The following EYS variants were observed in gnomAD, a reference collection of about 807,000 sequenced individuals.
EYS encodes EGF-like photoreceptor maintenance factor.
A neutral mutation model predicts 282.1 loss-of-function variants in EYS; 250 were observed. That is an observed-to-expected ratio of 0.89 (90% CI 0.80 to 0.98). The LOEUF (loss-of-function observed/expected upper bound fraction) is 0.98, where lower values mean the gene tolerates loss of function less well. Among genes scored for constraint, EYS ranks in the 50% least tolerant of loss-of-function variants. The pLI is 0.00. For synonymous variants in EYS, 1,355 were observed against 1,282.9 expected (o/e 1.06, Z -1.20); for missense variants, 4,016 against 3,709.0 (o/e 1.08, Z -2.15).
chr6:64,065,141 T>C (rs1771319264), intron 33 of EYS, among the ~76,000 whole-genome samples: 2 of 152,188 alleles, frequency 1.3e-5, no homozygotes, highest in African/African-American at 2.4e-5. Flanking sequence ...GCATTAAAAA[T>C]GAGTAAGAAA....
chr6:64,752,607 C>T (rs1168122860), intron 22 of EYS, among the ~76,000 whole-genome samples: 3 of 152,008 alleles, frequency 2.0e-5, no homozygotes, highest in African/African-American at 4.8e-5. Context: ...GGAAAACTAC[C>T]TTAGTCTTGC....
intron 22 of EYS, among the ~76,000 whole-genome samples, chr6:64,793,696 A>G (rs903897208): frequency 2.0e-5 from 3 of 152,306 alleles, no homozygotes; most frequent in Admixed American, 2.0e-4. Context: ...GTTGATGTCC[A>G]AGGACTATAC....
intron 12 of EYS, among the ~76,000 whole-genome samples, chr6:65,250,644 A>G (rs1195262156): frequency 2.0e-5 from 3 of 152,012 alleles, no homozygotes; most frequent in African/African-American, 7.2e-5. Flanking sequence ...GCCTCAAAAA[A>G]CATTCTCAAG....
At chr6:65,602,616 A>T (rs2149790747) in intron 2 of EYS, among the ~76,000 whole-genome samples, 1 of 152,100 alleles carries the variant, frequency 6.6e-6, no homozygotes, top group African/African-American at 2.4e-5. Context: ...CCTTTGTGGT[A>T]CTTGTGCTCA....
chr6:64,196,864 T>C (rs1250253116), intron 31 of EYS, among the ~76,000 whole-genome samples: 1 of 152,054 alleles, frequency 6.6e-6, no homozygotes, highest in Non-Finnish European at 1.5e-5. Context: ...CTGCACATTG[T>C]GCACATGTAC....
chr6:65,132,589 C>T (rs573841735), intron 12 of EYS, among the ~76,000 whole-genome samples: 1 of 151,880 alleles, frequency 6.6e-6, no homozygotes, highest in East Asian at 1.9e-4. Flanking sequence ...TATGACAAAC[C>T]CACAGCCAGC....
intron 12 of EYS, among the ~76,000 whole-genome samples, chr6:65,059,421 A>G (rs978148576): frequency 2.6e-5 from 4 of 152,060 alleles, no homozygotes; most frequent in South Asian, 2.1e-4. Context: ...TTGTTTTTCA[A>G]TCTTCAAGTT....
rs529826604 is a variant in EYS, at chr6:65,301,638, C to T, written c.1767-5519G>A. ...TCAAACTCCACATACAGAAAGCCAC[C>T]GACCTTATTCCGGTATCCTACACCC... On this transcript the variant is annotated intron_variant, in intron 11 of 42. Transcript: ENST00000503581. Among the ~76,000 whole-genome samples the T allele has an allele frequency of 5.3e-5, 8 of 152,372 alleles. No homozygotes were observed. The South Asian group carries it at 1.0e-3, about 20-fold the overall frequency.
Position 64,449,379 on chromosome 6 carries a change from A to G in EYS, c.5645-10027T>C, listed in dbSNP as rs529376363. Among the ~76,000 whole-genome samples, 30 of 152,342 alleles carry G rather than the reference A, an allele frequency of 2.0e-4. No homozygotes were observed. In the South Asian group the frequency reaches 6.0e-3, roughly 31 times the overall value. On this transcript the variant is annotated intron_variant, in intron 26 of 42. Coordinates refer to ENST00000503581, the MANE Select transcript of EYS (RefSeq NM_001142800.2). ...CGTGAAAAGACCAACTCTACGTCTC[A>G]TTGGTGTACCTGAAAGTGACGAGGA... is the stretch of plus-strand genomic sequence containing the variant.
At chr6:64,474,372 G>A (rs1776205014) in intron 26 of EYS, among the ~76,000 whole-genome samples, 1 of 152,162 alleles carries the variant, frequency 6.6e-6, no homozygotes, top group East Asian at 1.9e-4. Context: ...TAGAAACAGG[G>A]TGACTAGGAA....
At chr6:64,338,548 T>C (rs1022452045) in intron 29 of EYS, among the ~76,000 whole-genome samples, 1 of 151,886 alleles carries the variant, frequency 6.6e-6, no homozygotes, top group East Asian at 1.9e-4. Context: ...ATTTGGAAAA[T>C]GACCATACTG....
At chr6:63,868,516 CCA>C (rs1224564415) in intron 35 of EYS, among the ~76,000 whole-genome samples, 1 of 152,040 alleles carries the variant, frequency 6.6e-6, no homozygotes, top group Non-Finnish European at 1.5e-5. Context: ...AGTTGGCCAC[CCA>C]CAGTGTCAAG....
intron 36 of EYS, among the ~76,000 whole-genome samples, chr6:63,842,119 T>C (rs549009851): frequency 6.6e-6 from 1 of 152,218 alleles, no homozygotes; most frequent in Non-Finnish European, 1.5e-5. Flanking sequence ...CCTTTGGGTA[T>C]ACACCAGTAA....
At chr6:65,330,918 A>G in intron 11 of EYS, 1 of 982,106 alleles carries the variant, frequency 1.0e-6, no homozygotes, top group East Asian at 1.1e-4. Context: ...AATACCATTT[A>G]CTAAAGAACC....
intron 26 of EYS, among the ~76,000 whole-genome samples, chr6:64,474,255 T>C (rs1022472548): frequency 6.6e-6 from 1 of 152,192 alleles, no homozygotes; most frequent in African/African-American, 2.4e-5. Flanking sequence ...TATAAATTTA[T>C]AACTTGTTCA....
At chr6:64,050,772 T>C (rs947961233) in intron 33 of EYS, among the ~76,000 whole-genome samples, 1 of 152,214 alleles carries the variant, frequency 6.6e-6, no homozygotes, top group South Asian at 2.1e-4. Context: ...GAACTTTGCT[T>C]AATGTGTTAA....
At chr6:65,613,483 G>A (rs548933315) in intron 2 of EYS, among the ~76,000 whole-genome samples, 1 of 151,812 alleles carries the variant, frequency 6.6e-6, no homozygotes, top group African/African-American at 2.4e-5. Flanking sequence ...CACTGGGTAA[G>A]ATCATTTTTA....
chr6:65,001,020 G>C (rs1442118988), intron 13 of EYS, among the ~76,000 whole-genome samples: 1 of 152,226 alleles, frequency 6.6e-6, no homozygotes, highest in East Asian at 1.9e-4. Flanking sequence ...CACGCAGATA[G>C]GCAGGTGCAG....
At chr6:64,454,091 C>G (rs1775471073) in intron 26 of EYS, among the ~76,000 whole-genome samples, 1 of 152,102 alleles carries the variant, frequency 6.6e-6, no homozygotes, top group African/African-American at 2.4e-5. Context: ...CCACCCCTAC[C>G]TTTGGCCTTG....
Sources: gnomAD v4.1 joint callset for allele counts (sites outside exome capture counted in the v4.1 genomes callset) on GRCh38, gnomAD v4.1.1 for gene constraint, MANE v1.5 for transcripts, NCBI Gene and HGNC (gene_info 2026-07-23, HGNC 2026-07-21) for gene names.